ANKRD36C: variants seen among roughly 807,000 people sequenced by gnomAD.
The protein encoded by ANKRD36C is ankyrin repeat domain 36C, also known as ankyrin repeat domain-containing protein 36C.
A neutral mutation model predicts 276.4 loss-of-function variants in ANKRD36C; 61 were observed. The observed-to-expected ratio is 0.22, with a 90% CI of 0.18 to 0.27. The LOEUF is 0.27. ANKRD36C is among the 10% of genes least tolerant of loss of function. The pLI, the probability that ANKRD36C is intolerant of heterozygous loss-of-function variation, is 1.00. For missense variants in ANKRD36C, 1,447 were observed against 2,032.3 expected, an observed-to-expected ratio of 0.71 and a Z score of 5.54; for synonymous variants, 483 against 680.1, an observed-to-expected ratio of 0.71 and a Z score of 4.51.
At chr2:95,913,659 C>T (rs1311806448) in intron 40 of ANKRD36C, among the ~76,000 whole-genome samples, 1 of 151,452 alleles carries the variant, frequency 6.6e-6, no homozygotes, top group African/African-American at 2.4e-5. Context: ...CACAATCCGT[C>T]TTCCTTAGGA....
chr2:95,990,729 C>CA (rs1479992616), intron 1 of ANKRD36C, among the ~76,000 whole-genome samples: 1 of 152,022 alleles, frequency 6.6e-6, no homozygotes, highest in African/African-American at 2.4e-5. Context: ...TAAGGTCCCT[C>CA]AGTGAAAACC....
chr2:95,979,872 C>G (rs1292376378), intron 5 of ANKRD36C, among the ~76,000 whole-genome samples: 1 of 151,950 alleles, frequency 6.6e-6, no homozygotes, highest in Non-Finnish European at 1.5e-5. Context: ...GTGAAAGTGT[C>G]AATTTGCTCC....
intron 52 of ANKRD36C, among the ~76,000 whole-genome samples, chr2:95,885,581 C>A (rs1676181406): frequency 6.6e-6 from 1 of 151,906 alleles, no homozygotes; most frequent in African/African-American, 2.4e-5. Context: ...CTTCCTGCCT[C>A]ACAATCCCTC....
chr2:95,903,654 C>T (rs1378576328), intron 42 of ANKRD36C, among the ~76,000 whole-genome samples: 18 of 149,240 alleles, frequency 1.2e-4, no homozygotes, highest in Non-Finnish European at 2.7e-4. Flanking sequence ...TATTCATTAT[C>T]TCTCTCAACC....
intron 6 of ANKRD36C, among the ~76,000 whole-genome samples, chr2:95,969,349 C>T (rs997149464): frequency 1.3e-5 from 2 of 152,154 alleles, no homozygotes; most frequent in African/African-American, 2.4e-5. Flanking sequence ...ATATATATTT[C>T]ATAATATGAC....
At chr2:95,896,053 T>C (rs1212204878) in intron 44 of ANKRD36C, among the ~76,000 whole-genome samples, 2 of 147,558 alleles carry the variant, frequency 1.4e-5, no homozygotes, top group African/African-American at 5.0e-5. Flanking sequence ...AGGCACACAA[T>C]TACGATGACA....
chr2:95,971,926 A>G (rs1414544519), intron 6 of ANKRD36C, among the ~76,000 whole-genome samples: 1 of 152,212 alleles, frequency 6.6e-6, no homozygotes, highest in Non-Finnish European at 1.5e-5. Flanking sequence ...CCAAAATTCC[A>G]AAATCTAACA....
chr2:95,873,667 G>C (rs1182890111), intron 59 of ANKRD36C, among the ~76,000 whole-genome samples: 1 of 152,242 alleles, frequency 6.6e-6, no homozygotes, highest in African/African-American at 2.4e-5. Context: ...AGTGTTGGAA[G>C]TTCTGGCCAG....
At chr2:95,953,995 T>C (rs1167559861) in exon 14 of ANKRD36C, 1 of 1,535,140 alleles carries the variant, frequency 6.5e-7, no homozygotes. Flanking sequence ...GCATCCGGTC[T>C]GTAGAGACTC....
intron 60 of ANKRD36C, among the ~76,000 whole-genome samples, chr2:95,861,711 A>G (rs1261764590): frequency 6.6e-6 from 1 of 152,154 alleles, no homozygotes; most frequent in East Asian, 1.9e-4. Flanking sequence ...ACTAATAGCA[A>G]TCACACAGCT....
chr2:95,985,280 G>T (rs1210222217), intron 3 of ANKRD36C, among the ~76,000 whole-genome samples: 1 of 152,204 alleles, frequency 6.6e-6, no homozygotes, highest in African/African-American at 2.4e-5. Context: ...ACAGGTAAAA[G>T]TCAGGCCAAT....
At chr2:95,910,278 T>A in intron 42 of ANKRD36C, 95 bp downstream of exon 46, 1 of 1,325,334 alleles carries the variant, frequency 7.5e-7, no homozygotes, top group South Asian at 1.3e-5. Flanking sequence ...AATCAGAAAG[T>A]GCAGCTTCGA....
chr2:95,944,263 C>T (rs1175620629), intron 19 of ANKRD36C, among the ~76,000 whole-genome samples: 1 of 152,174 alleles, frequency 6.6e-6, no homozygotes, highest in Non-Finnish European at 1.5e-5. Context: ...TCTTTCCCCT[C>T]CTCACCTTTG....
chr2:95,956,692 T>C, intron 13 of ANKRD36C, 94 bp downstream of exon 13: 1 of 1,132,204 alleles, frequency 8.8e-7, no homozygotes, highest in Non-Finnish European at 1.3e-6. Flanking sequence ...TAATACGGTG[T>C]CTAGCACAGA....
intron 59 of ANKRD36C, among the ~76,000 whole-genome samples, chr2:95,868,832 C>G (rs1675737571): frequency 6.6e-6 from 1 of 151,708 alleles, no homozygotes; most frequent in Non-Finnish European, 1.5e-5. Context: ...TCAATACAAG[C>G]AGTTTTGTAA....
chr2:95,977,371 T>C (rs183129015), intron 6 of ANKRD36C, among the ~76,000 whole-genome samples: 46 of 152,060 alleles, frequency 3.0e-4, no homozygotes, highest in Non-Finnish European at 1.6e-4. Flanking sequence ...TCTTCACTGA[T>C]GGTTTTCACA....
Position 95,969,006 on chromosome 2 carries a change from T to C in ANKRD36C, c.800-6459A>G, listed in dbSNP as rs547953873. ...TCTGGGAACATCCATGTATTCTCCATATGCCTTCATGTATTGGAGAGGATC... is the reference window on the plus strand; with the variant it reads ...TCTGGGAACATCCATGTATTCTCCACATGCCTTCATGTATTGGAGAGGATC... On this transcript the variant is annotated intron_variant, in intron 6 of 66. Transcript: ENST00000456556. Among the ~76,000 whole-genome samples the C allele has an allele frequency of 2.0e-4, 30 of 152,340 alleles. No homozygotes were observed. In the South Asian group the frequency reaches 5.8e-3, roughly 29 times the overall value.
chr2:95,861,346 G>A (rs1675576592), intron 60 of ANKRD36C, among the ~76,000 whole-genome samples: 1 of 151,608 alleles, frequency 6.6e-6, no homozygotes, highest in Admixed American at 6.6e-5. Flanking sequence ...CTTTCAAGCA[G>A]TTAATAGATA....
chr2:95,857,597 A>G, intron 61 of ANKRD36C, 105 bp from the exon 82 acceptor site: 2 of 1,089,158 alleles, frequency 1.8e-6, no homozygotes, highest in Admixed American at 2.9e-5. Context: ...GTCGTGCCCT[A>G]CAAACCATGG....
Sources: allele counts gnomAD v4.1 joint callset (sites outside exome capture counted in the v4.1 genomes callset), GRCh38; gene constraint gnomAD v4.1.1; transcripts MANE v1.5; gene names NCBI Gene and HGNC (gene_info 2026-07-23, HGNC 2026-07-21).